Variants in SEL1L2 observed in about 807,000 individuals in gnomAD.
SEL1L2 encodes the protein protein sel-1 homolog 2.
SEL1L2 carries 89 observed loss-of-function variants against 98.8 expected under a neutral mutation model. The observed-to-expected ratio is 0.90, with a 90% CI of 0.76 to 1.07. The LOEUF (loss-of-function observed/expected upper bound fraction) is 1.07, where lower values mean the gene tolerates loss of function less well. SEL1L2 is among the 50% of genes least tolerant of loss of function. The probability of loss-of-function intolerance (pLI) is 0.00; values close to 1 mark genes in which losing one functional copy is unlikely to be tolerated. For missense variants in SEL1L2, 788 were observed against 812.0 expected, an observed-to-expected ratio of 0.97 and a Z score of 0.36; for synonymous variants, 262 against 278.5, an observed-to-expected ratio of 0.94 and a Z score of 0.59.
At chr20:13,869,697 G>A in intron 13 of SEL1L2, 107 bp from the exon 14 acceptor site, 1 of 735,076 alleles carries the variant, frequency 1.4e-6, no homozygotes, top group South Asian at 1.7e-5. Context: ...ATGTGATTTA[G>A]GGTAATTAAA....
chr20:13,860,417 G>A (rs1271803596), intron 17 of SEL1L2, among the ~76,000 whole-genome samples: 1 of 152,158 alleles, frequency 6.6e-6, no homozygotes, highest in Non-Finnish European at 1.5e-5. Context: ...CCTCCATGCA[G>A]CCAAATCCAT....
At chr20:13,985,205 C>T (rs960380518) in intron 1 of SEL1L2, among the ~76,000 whole-genome samples, 22 of 152,218 alleles carry the variant, frequency 1.4e-4, no homozygotes, top group African/African-American at 5.3e-4. Flanking sequence ...GAAATGACTA[C>T]CCATTGCTCC....
intron 1 of SEL1L2, among the ~76,000 whole-genome samples, chr20:13,959,129 G>A (rs1326835536): frequency 2.0e-5 from 3 of 152,116 alleles, no homozygotes; most frequent in Non-Finnish European, 2.9e-5. Flanking sequence ...AGATGAAAAA[G>A]CTTGATAAGT....
At chr20:13,871,863 A>G (rs2046216024) in intron 12 of SEL1L2, among the ~76,000 whole-genome samples, 2 of 152,162 alleles carry the variant, frequency 1.3e-5, no homozygotes, top group Non-Finnish European at 2.9e-5. Context: ...ACAGGTTCCT[A>G]GTATTTCTGC....
chr20:13,894,645 A>G (rs1008985200), intron 5 of SEL1L2, among the ~76,000 whole-genome samples: 29 of 152,228 alleles, frequency 1.9e-4, no homozygotes, highest in African/African-American at 6.5e-4. Flanking sequence ...ACTCAACAAA[A>G]TTCAGAAGTG....
chr20:13,973,740 C>T (rs818756), intron 1 of SEL1L2, among the ~76,000 whole-genome samples: 31,469 of 151,922 alleles, frequency 0.21, 3,657 homozygotes, highest in African/African-American at 0.32. Flanking sequence ...GTTGTCTTTC[C>T]ATGGAGAAAA....
chr20:13,993,980 T>G (rs2052582507), upstream of SEL1L2, among the ~76,000 whole-genome samples: 2 of 152,206 alleles, frequency 1.3e-5, no homozygotes, highest in African/African-American at 2.4e-5. Context: ...CTTCTTTATT[T>G]ATCCCAAATC....
intron 1 of SEL1L2, among the ~76,000 whole-genome samples, chr20:13,961,939 T>C (rs776476726): frequency 6.6e-6 from 1 of 152,164 alleles, no homozygotes. Context: ...CCAGTGTACA[T>C]TGGGTATGTG....
intron 10 of SEL1L2, among the ~76,000 whole-genome samples, chr20:13,881,258 C>T (rs1228226247): frequency 6.6e-6 from 1 of 152,154 alleles, no homozygotes; most frequent in African/African-American, 2.4e-5. Flanking sequence ...ATGATCTGCC[C>T]GCCTCAGCTT....
intron 1 of SEL1L2, among the ~76,000 whole-genome samples, chr20:13,969,068 G>GA (rs2148500948): frequency 6.6e-6 from 1 of 152,282 alleles, no homozygotes; most frequent in Admixed American, 6.5e-5. Flanking sequence ...GACTTTAGTT[G>GA]AAAGGCTGAA....
At chr20:13,987,548 G>A (rs938711230) in intron 1 of SEL1L2, among the ~76,000 whole-genome samples, 4 of 151,458 alleles carry the variant, frequency 2.6e-5, no homozygotes, top group African/African-American at 7.3e-5. Flanking sequence ...GTTTCACCAT[G>A]TTGGTTGGCC....
upstream of SEL1L2, among the ~76,000 whole-genome samples, chr20:13,994,260 C>G (rs536495346): frequency 7.8e-5 from 11 of 141,442 alleles, no homozygotes; most frequent in African/African-American, 2.9e-4. Context: ...GGAGCCATTG[C>G]CCTCCAGCTG....
intron 10 of SEL1L2, among the ~76,000 whole-genome samples, chr20:13,877,834 G>A (rs367940395): frequency 9.2e-5 from 14 of 152,304 alleles, no homozygotes; most frequent in African/African-American, 3.4e-4. Flanking sequence ...TATAACATGA[G>A]GACTTGCTTC....
chr20:13,933,093 C>T (rs763865193), intron 2 of SEL1L2, among the ~76,000 whole-genome samples: 1 of 151,918 alleles, frequency 6.6e-6, no homozygotes, highest in Non-Finnish European at 1.5e-5. Flanking sequence ...GCCTGTAATC[C>T]CCGCTACTTG....
At chr20:13,992,049 A>C (rs888767919), upstream of SEL1L2, among the ~76,000 whole-genome samples, 2 of 152,138 alleles carry the variant, frequency 1.3e-5, no homozygotes, top group African/African-American at 4.8e-5. Context: ...TAGGAAAATC[A>C]ATGAGCAATG....
chr20:13,867,839 C>A (rs1445910367), intron 14 of SEL1L2, among the ~76,000 whole-genome samples: 1 of 152,120 alleles, frequency 6.6e-6, no homozygotes, highest in African/African-American at 2.4e-5. Context: ...AAGAACAAGG[C>A]CATCTTAGGC....
chr20:13,853,398 G>C (rs1988602472), intron 18 of SEL1L2, among the ~76,000 whole-genome samples: 1 of 150,714 alleles, frequency 6.6e-6, no homozygotes, highest in Non-Finnish European at 1.5e-5. Flanking sequence ...TTTTTTTGTA[G>C]AGACGGGGTT....
chr20:13,964,510 T>A (rs976071362), intron 1 of SEL1L2, among the ~76,000 whole-genome samples: 2 of 141,000 alleles, frequency 1.4e-5, no homozygotes, highest in African/African-American at 5.2e-5. Context: ...TGGAGTGCAA[T>A]GGCGCAATCT....
chr20:13,959,884 G>A (rs1028969970), intron 1 of SEL1L2, among the ~76,000 whole-genome samples: 10 of 152,164 alleles, frequency 6.6e-5, no homozygotes, highest in African/African-American at 2.2e-4. Flanking sequence ...CCAACCTAAT[G>A]CATTAGTAGT....
Sources: allele counts gnomAD v4.1 joint callset (sites outside exome capture counted in the v4.1 genomes callset), GRCh38; gene constraint gnomAD v4.1.1; transcripts MANE v1.5; gene names NCBI Gene and HGNC (gene_info 2026-07-23, HGNC 2026-07-21).